Variants in CNOT6L observed in about 807,000 individuals in gnomAD.
CNOT6L encodes CCR4-NOT transcription complex subunit 6 like.
A neutral mutation model predicts 64.0 loss-of-function variants in CNOT6L; 7 were observed. The observed-to-expected ratio is 0.11, with a 90% CI of 0.06 to 0.21. CNOT6L has a LOEUF of 0.21. CNOT6L is among the 10% of genes least tolerant of loss of function. The pLI, the probability that CNOT6L is intolerant of heterozygous loss-of-function variation, is 1.00. For synonymous variants in CNOT6L, 193 were observed against 243.4 expected (o/e 0.79, Z 1.93); for missense variants, 245 against 669.0 (o/e 0.37, Z 6.99).
intron 1 of CNOT6L, among the ~76,000 whole-genome samples, chr4:77,789,980 A>G (rs921479855): frequency 2.3e-4 from 31 of 132,894 alleles, no homozygotes; most frequent in Non-Finnish European, 4.5e-4. Flanking sequence ...AAAAAAAAAA[A>G]TTCATTCCCA....
At chr4:77,768,666 T>C (rs1727169936) in intron 4 of CNOT6L, among the ~76,000 whole-genome samples, 1 of 151,462 alleles carries the variant, frequency 6.6e-6, no homozygotes. Flanking sequence ...TCAACAGTAA[T>C]TTCAAATAAA....
chr4:77,747,603 G>A (rs4859872), intron 6 of CNOT6L, among the ~76,000 whole-genome samples: 119,572 of 151,902 alleles, frequency 0.79, 47,899 homozygotes, highest in Non-Finnish European at 0.86. Flanking sequence ...AAGACATTTC[G>A]AAAAACGGTA....
intron 11 of CNOT6L, among the ~76,000 whole-genome samples, chr4:77,725,235 C>A (rs3849579): frequency 0.97 from 147,770 of 152,308 alleles, 71,709 homozygotes; most frequent in East Asian, 1. Context: ...GTTTCTTGGA[C>A]AGGAGCTAAC....
intron 1 of CNOT6L, among the ~76,000 whole-genome samples, chr4:77,781,724 C>CA (rs5859585): frequency 0.99 from 150,587 of 152,334 alleles, 74,433 homozygotes; most frequent in East Asian, 1. Context: ...TTACAAAAAA[C>CA]GATGCCTCTA....
In CNOT6L at chr4:77,718,667, C is replaced by CATCA. The variant is rs1183700271; in HGVS notation, c.*1760_*1763dup. ...TGATGCAATCCCATGTATGATATGA[C>CATCA]ATCATCCCACCACCCTCGTCCCACT... On this transcript the variant is annotated 3_prime_UTR_variant, in exon 12 of 12. Transcript: ENST00000504123. 1 of 152,538 alleles carries CATCA rather than the reference C, an allele frequency of 6.6e-6. No homozygotes were observed. The highest frequency in any genetic ancestry group is 1.5e-5 in the Non-Finnish European group (1 of 68,016). The allele number at this position is 152,538 out of a possible 1,614,324, so 9.4% of individuals were successfully genotyped here.
At chr4:77,809,407 T>C (rs1378562104) in intron 1 of CNOT6L, among the ~76,000 whole-genome samples, 2 of 152,150 alleles carry the variant, frequency 1.3e-5, no homozygotes, top group East Asian at 1.9e-4. Context: ...CTATAACAAA[T>C]AGAAGCTTAA....
At chr4:77,783,371 C>G (rs1481206747) in intron 1 of CNOT6L, among the ~76,000 whole-genome samples, 1 of 152,186 alleles carries the variant, frequency 6.6e-6, no homozygotes, top group Non-Finnish European at 1.5e-5. Context: ...CCGCATGGAG[C>G]ATATACTGTT....
At chr4:77,808,749 C>T (rs1037504597) in intron 1 of CNOT6L, among the ~76,000 whole-genome samples, 1 of 152,068 alleles carries the variant, frequency 6.6e-6, no homozygotes, top group Non-Finnish European at 1.5e-5. Flanking sequence ...GCAAGAGCAA[C>T]ATCTATCTCC....
At position 77,805,822 on chromosome 4, in the gene CNOT6L, T is replaced by C. The variant is rs182221977; in HGVS notation, c.5+13482A>G. 1.0e-3 allele frequency among the ~76,000 whole-genome samples: 156 copies of C among 152,346 alleles called. 3 individuals are homozygous for C. Among genetic ancestry groups the C allele is most frequent in the Admixed American group, 7.1e-3 (108 of 15,306 alleles). On this transcript the variant is annotated intron_variant, in intron 1 of 11. Coordinates refer to ENST00000504123, the MANE Select transcript of CNOT6L (RefSeq NM_144571.3). ...CACAGCACCAAAGATTAAGAATCCA[T>C]GAATTAGCAACAGGAAGGGAAACCA...
chr4:77,727,844 T>G lies in CNOT6L; in HGVS notation c.1252+1010A>C, dbSNP rs114512919. ...GCTAGGGGTTAAAGACAAACACTTA[T>G]AAACAATGATTTCAGCATTATTTGC... On this transcript the variant is annotated intron_variant, in intron 10 of 11. Coordinates refer to ENST00000504123, the MANE Select transcript of CNOT6L (RefSeq NM_144571.3). Among the ~76,000 whole-genome samples, 803 of 152,322 alleles carry G rather than the reference T, an allele frequency of 5.3e-3. 7 individuals carry two copies. The highest frequency in any genetic ancestry group is 0.018 in the African/African-American group (762 of 41,574).
At chr4:77,794,889 C>CA (rs1247854310) in intron 1 of CNOT6L, among the ~76,000 whole-genome samples, 5 of 151,772 alleles carry the variant, frequency 3.3e-5, no homozygotes, top group South Asian at 2.1e-4. Context: ...ATAGAATCTA[C>CA]AAAAAATCTA....
At chr4:77,781,908 G>T (rs1429891669) in intron 1 of CNOT6L, among the ~76,000 whole-genome samples, 1 of 152,114 alleles carries the variant, frequency 6.6e-6, no homozygotes, top group East Asian at 1.9e-4. Context: ...GAATCAGACT[G>T]CTAACTCAAT....
intron 4 of CNOT6L, among the ~76,000 whole-genome samples, chr4:77,757,630 G>C (rs1201225506): frequency 6.6e-6 from 1 of 152,106 alleles, no homozygotes; most frequent in Middle Eastern, 3.2e-3. Flanking sequence ...AAAAACCAAA[G>C]AACTTCCAAA....
intron 6 of CNOT6L, among the ~76,000 whole-genome samples, chr4:77,747,269 C>T (rs138539913): frequency 0.031 from 4,727 of 152,150 alleles, 241 homozygotes; most frequent in African/African-American, 0.11. Flanking sequence ...CAGGTTCAAG[C>T]GATTCTCGTG....
At chr4:77,763,207 C>T (rs920868919) in intron 4 of CNOT6L, among the ~76,000 whole-genome samples, 4 of 151,740 alleles carry the variant, frequency 2.6e-5, no homozygotes, top group Non-Finnish European at 4.4e-5. Context: ...TGGTCTGAAC[C>T]CACATTAAAA....
At chr4:77,748,058 T>C (rs943012295) in intron 6 of CNOT6L, among the ~76,000 whole-genome samples, 41 of 152,136 alleles carry the variant, frequency 2.7e-4, no homozygotes, top group Admixed American at 2.3e-3. Flanking sequence ...CACCCAATAC[T>C]CTCTATGAAG....
chr4:77,730,044 G>A (rs904664271), intron 9 of CNOT6L, among the ~76,000 whole-genome samples: 13 of 151,910 alleles, frequency 8.6e-5, no homozygotes, highest in South Asian at 4.1e-4. Context: ...TGGACTATCC[G>A]TAAACATACA....
At chr4:77,798,751 G>C (rs1336239826) in intron 1 of CNOT6L, among the ~76,000 whole-genome samples, 2 of 149,846 alleles carry the variant, frequency 1.3e-5, no homozygotes, top group Non-Finnish European at 3.0e-5. Context: ...TTGGGAGGCC[G>C]AGGTGGGAGG....
intron 1 of CNOT6L, among the ~76,000 whole-genome samples, chr4:77,798,376 C>G (rs1731120982): frequency 6.6e-6 from 1 of 152,058 alleles, no homozygotes; most frequent in Admixed American, 6.6e-5. Flanking sequence ...ATTTACAAAT[C>G]ATGTATATGA....
Sources: gnomAD v4.1 joint callset for allele counts (sites outside exome capture counted in the v4.1 genomes callset) on GRCh38, gnomAD v4.1.1 for gene constraint, MANE v1.5 for transcripts, NCBI Gene and HGNC (gene_info 2026-07-23, HGNC 2026-07-21) for gene names.